The following OPA1 variants were observed in gnomAD, a reference collection of about 807,000 sequenced individuals.
The protein encoded by OPA1 is dynamin-like GTPase OPA1, mitochondrial.
In OPA1, 59 loss-of-function variants were observed where a neutral mutation model predicts 152.9. The ratio of observed to expected loss-of-function variants is 0.39; its 90% CI spans 0.31 to 0.48. OPA1 has a LOEUF of 0.48. Ranked by LOEUF, OPA1 falls within the 20% of genes least tolerant of loss-of-function variation. The probability of loss-of-function intolerance (pLI) is 0.96; values close to 1 mark genes in which losing one functional copy is unlikely to be tolerated. For synonymous variants in OPA1, 400 were observed against 389.9 expected, an observed-to-expected ratio of 1.03 and a Z score of -0.31; for missense variants, 1,008 against 1,216.8, an observed-to-expected ratio of 0.83 and a Z score of 2.55.
intron 7 of OPA1, among the ~76,000 whole-genome samples, chr3:193,628,097 A>G (rs1307690099): frequency 2.0e-5 from 3 of 152,184 alleles, no homozygotes; most frequent in Non-Finnish European, 4.4e-5. Flanking sequence ...CTTCACTGCC[A>G]TAATGATCAA....
At chr3:193,664,828 A>T (rs1716146275) in intron 26 of OPA1, 52 bp from the exon 27 acceptor site, 3 of 971,114 alleles carry the variant, frequency 3.1e-6, no homozygotes, top group Non-Finnish European at 5.0e-6. Flanking sequence ...AGTGTGGTTG[A>T]TCAACATGAA....
chr3:193,670,047 C>A (rs1370689039), intron 29 of OPA1, among the ~76,000 whole-genome samples: 1 of 152,156 alleles, frequency 6.6e-6, no homozygotes, highest in Admixed American at 6.5e-5. Context: ...TGACTTTGTT[C>A]ATTAGTTGGA....
At chr3:193,662,733 A>G in intron 25 of OPA1, 89 bp from the exon 26 acceptor site, 1 of 1,023,924 alleles carries the variant, frequency 9.8e-7, no homozygotes. Flanking sequence ...CTTTTATGCA[A>G]TAGTAATGTA....
chr3:193,693,636 G>A (rs1312352465), intron 30 of OPA1, among the ~76,000 whole-genome samples: 1 of 151,586 alleles, frequency 6.6e-6, no homozygotes, highest in Non-Finnish European at 1.5e-5. Context: ...CGAGACTCTT[G>A]TCTCAAAAAA....
chr3:193,634,281 AC>A (rs1732580579), intron 8 of OPA1, among the ~76,000 whole-genome samples: 1 of 111,456 alleles, frequency 9.0e-6, no homozygotes, highest in Non-Finnish European at 1.9e-5. Context: ...GCAACTACTT[AC>A]AAAAAAAAAA....
intron 1 of OPA1, among the ~76,000 whole-genome samples, chr3:193,609,050 T>G (rs1727748761): frequency 6.6e-6 from 1 of 152,190 alleles, no homozygotes; most frequent in Admixed American, 6.5e-5. Flanking sequence ...GTTTTCCATT[T>G]GCTTGGTAGA....
intron 18 of OPA1, among the ~76,000 whole-genome samples, chr3:193,646,841 A>G (rs1298129655): frequency 6.6e-6 from 1 of 152,196 alleles, no homozygotes; most frequent in African/African-American, 2.4e-5. Context: ...TTCAAAATAC[A>G]GTTCCTCAGT....
rs1351277940 is a variant in OPA1 at position 193,675,479 on chromosome 3, C to G, written c.2983+8199C>G. On this transcript the variant is annotated intron_variant, in intron 29 of 30. Transcript: ENST00000361510. ...GGGCTCACAACACCATTTCCTCTCT[C>G]CTGGCTTTTAACACATCTCGAGGCA... Among the ~76,000 whole-genome samples, 3 of 152,098 alleles carry G rather than the reference C, an allele frequency of 2.0e-5. No homozygotes were observed. In the East Asian group the frequency reaches 5.8e-4, roughly 29 times the overall value.
At chr3:193,593,451 T>G (rs1724963236) in intron 1 of OPA1, 42 bp downstream of exon 1, 1 of 1,496,812 alleles carries the variant, frequency 6.7e-7, no homozygotes, top group Non-Finnish European at 9.0e-7. Flanking sequence ...TTCTGGGGCC[T>G]CTTGAGAGTG....
chr3:193,612,688 A>T (rs1480025432), intron 1 of OPA1, among the ~76,000 whole-genome samples: 1 of 152,236 alleles, frequency 6.6e-6, no homozygotes, highest in Non-Finnish European at 1.5e-5. Flanking sequence ...TTCTGGGCCC[A>T]TAATTTTTAT....
intron 29 of OPA1, among the ~76,000 whole-genome samples, chr3:193,682,079 G>C (rs1455017167): frequency 6.6e-6 from 1 of 152,188 alleles, no homozygotes; most frequent in Non-Finnish European, 1.5e-5. Context: ...CAAAAGAAAA[G>C]TTCTTGAAGG....
intron 6 of OPA1, among the ~76,000 whole-genome samples, chr3:193,625,716 C>A (rs1404045937): frequency 6.6e-6 from 1 of 151,116 alleles, no homozygotes; most frequent in Non-Finnish European, 1.5e-5. Context: ...GATCTTCAAT[C>A]AGTCCTGAGA....
intron 27 of OPA1, among the ~76,000 whole-genome samples, chr3:193,665,849 C>T (rs1716411453): frequency 1.3e-5 from 2 of 152,084 alleles, no homozygotes; most frequent in Non-Finnish European, 2.9e-5. Flanking sequence ...GTAGAATAAG[C>T]TTCTTTTTAA....
Position 193,654,848 on chromosome 3 carries a change from C to A in OPA1, c.2013-14C>A. 1 of 1,612,530 alleles carries A rather than the reference C, an allele frequency of 6.2e-7. No homozygotes were observed. The highest frequency in any genetic ancestry group is 8.5e-7 in the Non-Finnish European group (1 of 1,179,126). On this transcript the variant is annotated splice_polypyrimidine_tract_variant and intron_variant, in intron 21 of 30. Transcript: ENST00000361510. ...ATATTTAGATTTGGTGCTTTTGATACTTTTTTATTTCAGGGAGGAAATCCT... is the reference window on the plus strand; with the variant it reads ...ATATTTAGATTTGGTGCTTTTGATAATTTTTTATTTCAGGGAGGAAATCCT...
At chr3:193,665,119 T>A in intron 27 of OPA1, 123 bp downstream of exon 27, 1 of 654,040 alleles carries the variant, frequency 1.5e-6, no homozygotes, top group South Asian at 1.7e-5. Context: ...AAAAAGTATG[T>A]GTAATTTATA....
Position 193,659,428 on chromosome 3 carries a change from A to C in OPA1, c.2441-54A>C, listed in dbSNP as rs1577306604. ...AGAAAGCAAGACCATTATTAGTTAT[A>C]ATTTGTGTGTGTGTAAGTGATAAAA... On this transcript the variant is annotated intron_variant, in intron 24 of 30. Transcript: ENST00000361510. 2.2e-6 allele frequency: 3 copies of C among 1,367,038 alleles called. No homozygotes were observed. The East Asian group carries it at 7.4e-5, about 34-fold the overall frequency. The allele number at this position is 1,367,038 out of a possible 1,614,324, so 84.7% of individuals were successfully genotyped here.
intron 1 of OPA1, among the ~76,000 whole-genome samples, chr3:193,605,960 A>G (rs1727199119): frequency 6.6e-6 from 1 of 152,146 alleles, no homozygotes. Context: ...ACAACTCCCT[A>G]TTTATTTTAA....
At chr3:193,623,503 T>G (rs1212213362) in intron 6 of OPA1, among the ~76,000 whole-genome samples, 1 of 152,068 alleles carries the variant, frequency 6.6e-6, no homozygotes. Flanking sequence ...GGAAGCTGAT[T>G]CAGAGATGGA....
intron 6 of OPA1, among the ~76,000 whole-genome samples, chr3:193,624,018 C>T (rs567188075): frequency 2.0e-5 from 3 of 152,078 alleles, no homozygotes; most frequent in Non-Finnish European, 4.4e-5. Flanking sequence ...TAGTAACAGG[C>T]ATGGAAGGAA....
Sources: allele counts gnomAD v4.1 joint callset (sites outside exome capture counted in the v4.1 genomes callset), GRCh38; gene constraint gnomAD v4.1.1; transcripts MANE v1.5; gene names NCBI Gene and HGNC (gene_info 2026-07-23, HGNC 2026-07-21).